The following AHNAK variants were observed in gnomAD, a reference collection of about 807,000 sequenced individuals.
AHNAK encodes AHNAK nucleoprotein, also known as neuroblast differentiation-associated protein AHNAK.
A neutral mutation model predicts 37.8 loss-of-function variants in AHNAK; 23 were observed. The ratio of observed to expected loss-of-function variants is 0.61; its 90% CI spans 0.44 to 0.86. The LOEUF (loss-of-function observed/expected upper bound fraction) is 0.86, where lower values mean the gene tolerates loss of function less well. Ranked by LOEUF, AHNAK falls within the 40% of genes least tolerant of loss-of-function variation. The probability of loss-of-function intolerance (pLI) is 0.00; values close to 1 mark genes in which losing one functional copy is unlikely to be tolerated. For missense variants in AHNAK, 7,411 were observed against 7,319.4 expected (o/e 1.01, Z -0.46); for synonymous variants, 2,481 against 2,636.3 (o/e 0.94, Z 1.80).
Position 62,520,328 on chromosome 11 carries a change from T to G in AHNAK, c.14089A>C (p.Ile4697Leu). Reference sequence around the variant, plus strand: ...TTTAGTTTCGCATCTGGACCTTCGATATTCACATCAGGAACATCAACGTCC... The same window carrying G: ...TTTAGTTTCGCATCTGGACCTTCGAGATTCACATCAGGAACATCAACGTCC... The part of the protein sequence containing the change: ...KVDVDVPDVN[I>L]EGPDAKLKGP... The change falls in exon 5 of 5, where the codon ATC becomes CTC. Residue 4697 changes from isoleucine (I) to leucine (L), a missense_variant. Coordinates refer to ENST00000378024, the MANE Select transcript of AHNAK (RefSeq NM_001620.3). The G allele has an allele frequency of 1.2e-6, 2 of 1,613,156 alleles. No homozygotes were observed. The highest frequency in any genetic ancestry group is 1.7e-6 in the Non-Finnish European group (2 of 1,179,864).
intron 5 of AHNAK, among the ~76,000 whole-genome samples, chr11:62,490,077 G>A (rs1939474732): frequency 6.6e-6 from 1 of 152,074 alleles, no homozygotes; most frequent in Admixed American, 6.6e-5. Flanking sequence ...CTGGAGTGAA[G>A]GGAAGATGAG....
intron 5 of AHNAK, among the ~76,000 whole-genome samples, chr11:62,448,698 T>G (rs1401791025): frequency 6.6e-6 from 1 of 152,106 alleles, no homozygotes; most frequent in East Asian, 1.9e-4. Flanking sequence ...GACATCCAAG[T>G]GAAGAAGAAA....
chr11:62,522,858 C>T lies in AHNAK; in HGVS notation c.11559G>A (p.Glu3853=), dbSNP rs750079311. Reference sequence around the variant, plus strand: ...TGAATTTGGGACCTTTCAACTTTCCCTCTGGGCCTTCGATATTCACATCTG... The same window carrying T: ...TGAATTTGGGACCTTTCAACTTTCCTTCTGGGCCTTCGATATTCACATCTG... ...DVPDVNIEGP[E]GKLKGPKFKM... Residue 3853 remains glutamate, a synonymous_variant, in exon 5 of 5, where the codon GAG becomes GAA. Transcript: ENST00000378024. 5.0e-6 allele frequency: 8 copies of T among 1,610,586 alleles called. No homozygotes were observed. Among genetic ancestry groups the T allele is most frequent in the Admixed American group, 1.7e-5 (1 of 59,656 alleles).
chr11:62,523,994 G>C lies in AHNAK; in HGVS notation c.10423C>G (p.Pro3475Ala), dbSNP rs568183449. ...CTGAATTTGGGCATTTTCATCTTGG[G>C]CATTTTCAGATTCCAGTCTGGACCA... ...VHGPDWNLKM[P>A]KMKMPKFSVS... Residue 3475 changes from proline to alanine, a missense_variant, in exon 5 of 5, where the codon CCC (proline) becomes GCC (alanine). Coordinates refer to ENST00000378024, the MANE Select transcript of AHNAK (RefSeq NM_001620.3). 9.7e-5 allele frequency: 157 copies of C among 1,613,972 alleles called. 2 individuals carry two copies. In the South Asian group the frequency reaches 1.6e-3, roughly 16 times the overall value.
intron 5 of AHNAK, among the ~76,000 whole-genome samples, chr11:62,454,056 G>T (rs1445355194): frequency 6.6e-6 from 1 of 150,742 alleles, no homozygotes; most frequent in Non-Finnish European, 1.5e-5. Context: ...GCAGTGAGCC[G>T]AGATGGCGCC....
intron 5 of AHNAK, among the ~76,000 whole-genome samples, chr11:62,442,496 C>A (rs187665682): frequency 2.2e-4 from 34 of 152,052 alleles, no homozygotes; most frequent in African/African-American, 7.2e-4. Context: ...TGTGGTGAGC[C>A]GTGATTGTGC....
rs1235405942 is a variant in AHNAK at position 62,521,063 on chromosome 11, T to C, written c.13354A>G (p.Met4452Val). The C allele has an allele frequency of 1.2e-6, 2 of 1,613,886 alleles. No individual in the cohort carries two copies. Among genetic ancestry groups the C allele is most frequent in the Non-Finnish European group, 1.7e-6 (2 of 1,179,960 alleles). ...GAGATTTTGGGAGCTTTGATGTTCA[T>C]CTCAGGCATCTTAAATTTGGGCCCC... ...LKGPKFKMPE[M>V]NIKAPKISMP... The change falls in exon 5 of 5, where the codon ATG (methionine) becomes GTG (valine). Residue 4452 changes from methionine to valine, a missense_variant. Physicochemically the swap from Met to Val is conservative, Grantham distance 21. Transcript: ENST00000378024.
intron 4 of AHNAK, among the ~76,000 whole-genome samples, chr11:62,502,463 C>T (rs774564482): frequency 3.3e-5 from 5 of 152,122 alleles, no homozygotes; most frequent in Non-Finnish European, 7.3e-5. Context: ...GAGCACCAGT[C>T]GCTGAGGGGA....
At chr11:62,456,797 G>A (rs900812021) in intron 5 of AHNAK, among the ~76,000 whole-genome samples, 2 of 152,262 alleles carry the variant, frequency 1.3e-5, no homozygotes, top group South Asian at 2.1e-4. Context: ...CACCGCCTAC[G>A]GCTGAGTCTG....
chr11:62,518,475 G>T lies in AHNAK; in HGVS notation c.15942C>A (p.Asp5314Glu). The T allele has an allele frequency of 6.2e-7, 1 of 1,614,028 alleles. No individual in the cohort carries two copies. Among genetic ancestry groups the T allele is most frequent in the Non-Finnish European group, 8.5e-7 (1 of 1,179,988 alleles). ...TCATGCTGGGAACAGATGCATCCAG[G>T]TCTCCCTTCAAACTTGGTCCTTTCA... is the stretch of plus-strand genomic sequence containing the variant. ...LNLKGPSLKGDLDASVPSMKV... is the reference protein window; with the variant it reads ...LNLKGPSLKGELDASVPSMKV... Residue 5314 changes from aspartate to glutamate, a missense_variant, in exon 5 of 5, where the codon GAC (aspartate) becomes GAA (glutamate). Asp to Glu is a conservative substitution (Grantham distance 45). Transcript: ENST00000378024.
intron 5 of AHNAK, among the ~76,000 whole-genome samples, chr11:62,446,703 A>G (rs2513067): frequency 0.64 from 97,487 of 151,436 alleles, 31,469 homozygotes; most frequent in South Asian, 0.74. Flanking sequence ...AGGCACCAGA[A>G]TCTTCTCAGA....
In AHNAK at chr11:62,523,475, C is replaced by T. The variant is rs575239485; in HGVS notation, c.10942G>A (p.Glu3648Lys). 6.2e-7 allele frequency: 1 copy of T among 1,613,456 alleles called. No homozygotes were observed. Among genetic ancestry groups the T allele is most frequent in the Non-Finnish European group, 8.5e-7 (1 of 1,179,854 alleles). The change falls in exon 5 of 5, where the codon GAA (glutamate) becomes AAA (lysine). Residue 3648 changes from glutamate to lysine, a missense_variant. Coordinates refer to ENST00000378024, the MANE Select transcript of AHNAK (RefSeq NM_001620.3). The part of the protein sequence containing the change: ...VDVDVPDVNI[E>K]GPDAKLKGPK... ...CCCTTCAGCTTTGCATCTGGACCTT[C>T]AATATTCACGTCTGGAACATCAACG...
intron 1 of AHNAK, among the ~76,000 whole-genome samples, chr11:62,543,688 G>C (rs1032818587): frequency 1.3e-5 from 2 of 152,224 alleles, no homozygotes; most frequent in Non-Finnish European, 2.9e-5. Context: ...TGCTCAGGAA[G>C]CCTTGGGAGT....
intron 1 of AHNAK, among the ~76,000 whole-genome samples, chr11:62,544,201 C>T (rs1335934466): frequency 6.6e-6 from 1 of 152,160 alleles, no homozygotes; most frequent in Admixed American, 6.5e-5. Context: ...GCTAAGATGA[C>T]TCCGGGGACC....
In AHNAK at chr11:62,529,572, C is replaced by A. The variant is rs1356536867; in HGVS notation, c.4845G>T (p.Val1615=). The A allele has an allele frequency of 1.2e-6, 2 of 1,614,140 alleles. No homozygotes were observed. The highest frequency in any genetic ancestry group is 1.7e-6 in the Non-Finnish European group (2 of 1,180,018). Residue 1615 remains valine (V), a synonymous_variant, in exon 5 of 5, where the codon GTG becomes GTT. Transcript: ENST00000378024. The stretch of plus-strand genomic sequence containing the variant: ...CATTCACATCCATCTTAGGGGCTTT[C>A]ACATCAATTTCAGGACCCTTCAAGT... ...EGDLKGPEID[V]KAPKMDVNVG...
chr11:62,460,809 C>A (rs1225359562), intron 5 of AHNAK, among the ~76,000 whole-genome samples: 1 of 151,790 alleles, frequency 6.6e-6, no homozygotes, highest in East Asian at 1.9e-4. Context: ...TAGAGTGGGA[C>A]TTCAAGTAGC....
chr11:62,515,832 A>G, downstream of AHNAK: 1 of 1,040,274 alleles, frequency 9.6e-7, no homozygotes, highest in Non-Finnish European at 1.2e-6. Flanking sequence ...CGGTCTGAAC[A>G]CTCACAGCTG....
Position 62,531,229 on chromosome 11 carries a change from C to G in AHNAK, c.3188G>C (p.Arg1063Thr). 1 of 1,613,596 alleles carries G rather than the reference C, an allele frequency of 6.2e-7. No homozygotes were observed. The highest frequency in any genetic ancestry group is 8.5e-7 in the Non-Finnish European group (1 of 1,179,898). Residue 1063 changes from arginine (R) to threonine (T), a missense_variant, in exon 5 of 5, where the codon AGA becomes ACA. Arg to Thr is a moderately conservative substitution (Grantham distance 71, BLOSUM62 -1). Coordinates refer to ENST00000378024, the MANE Select transcript of AHNAK (RefSeq NM_001620.3). ...PKFKMPEMHFRAPKMSLPDVD... is the reference protein window; with the variant it reads ...PKFKMPEMHFTAPKMSLPDVD... ...ATCTGGCAAAGACATCTTAGGAGCTCTGAAGTGCATCTCAGGCATCTTAAA... is the reference window on the plus strand; with the variant it reads ...ATCTGGCAAAGACATCTTAGGAGCTGTGAAGTGCATCTCAGGCATCTTAAA...
chr11:62,543,026 C>T (rs1192091795), intron 1 of AHNAK, among the ~76,000 whole-genome samples: 1 of 152,132 alleles, frequency 6.6e-6, no homozygotes, highest in African/African-American at 2.4e-5. Context: ...CCCGCCAGGA[C>T]ACGTAGCTGT....
Sources: allele counts gnomAD v4.1 joint callset (sites outside exome capture counted in the v4.1 genomes callset), GRCh38; gene constraint gnomAD v4.1.1; transcripts MANE v1.5; gene names NCBI Gene and HGNC (gene_info 2026-07-23, HGNC 2026-07-21).